FHIT: variants seen among roughly 807,000 people sequenced by gnomAD.
The protein encoded by FHIT is fragile histidine triad diadenosine triphosphatase.
FHIT carries 19 observed loss-of-function variants against 17.9 expected under a neutral mutation model. That is an observed-to-expected ratio of 1.06 (90% CI 0.74 to 1.56). The LOEUF (loss-of-function observed/expected upper bound fraction) is 1.56, where lower values mean the gene tolerates loss of function less well. Among genes scored for constraint, FHIT ranks in the 40% most tolerant of loss-of-function variants. The pLI is 0.00. For synonymous variants in FHIT, 81 were observed against 69.7 expected, an observed-to-expected ratio of 1.16 and a Z score of -0.81; for missense variants, 248 against 189.2, an observed-to-expected ratio of 1.31 and a Z score of -1.82.
intron 4 of FHIT, among the ~76,000 whole-genome samples, chr3:60,770,679 G>C (rs1700015893): frequency 6.6e-6 from 1 of 152,178 alleles, no homozygotes; most frequent in Non-Finnish European, 1.5e-5. Flanking sequence ...AGTAGATGGT[G>C]ACAATTGCCT....
intron 2 of FHIT, among the ~76,000 whole-genome samples, chr3:61,111,956 A>G (rs1184010600): frequency 6.6e-6 from 1 of 152,172 alleles, no homozygotes; most frequent in Non-Finnish European, 1.5e-5. Context: ...GCCAGCCTCT[A>G]TGCGTGGTGC....
chr3:60,088,882 C>T (rs953455908), intron 5 of FHIT, among the ~76,000 whole-genome samples: 1 of 152,108 alleles, frequency 6.6e-6, no homozygotes, highest in Admixed American at 6.6e-5. Flanking sequence ...ATGGTAGGTA[C>T]TCAATAAATA....
At chr3:60,326,613 C>G (rs1007229047) in intron 5 of FHIT, among the ~76,000 whole-genome samples, 1 of 152,184 alleles carries the variant, frequency 6.6e-6, no homozygotes, top group Non-Finnish European at 1.5e-5. Flanking sequence ...CTGGGGACCC[C>G]TGTCCTAAAC....
At chr3:61,220,319 A>G (rs2039803923) in intron 1 of FHIT, among the ~76,000 whole-genome samples, 1 of 152,264 alleles carries the variant, frequency 6.6e-6, no homozygotes, top group Non-Finnish European at 1.5e-5. Flanking sequence ...TGGTTAAACC[A>G]CATAATAATA....
chr3:60,928,536 G>T (rs1265118775), intron 3 of FHIT, among the ~76,000 whole-genome samples: 1 of 122,644 alleles, frequency 8.2e-6, no homozygotes. Flanking sequence ...GTGACAGATG[G>T]AGACTCTGTC....
chr3:60,254,011 T>C (rs1341635652), intron 5 of FHIT, among the ~76,000 whole-genome samples: 1 of 152,214 alleles, frequency 6.6e-6, no homozygotes, highest in Non-Finnish European at 1.5e-5. Flanking sequence ...GTACGATGAA[T>C]ACCTGCAATA....
chr3:60,336,921 A>G (rs185058554), intron 5 of FHIT, among the ~76,000 whole-genome samples: 3 of 151,826 alleles, frequency 2.0e-5, no homozygotes, highest in Non-Finnish European at 4.4e-5. Flanking sequence ...GTTCTTTGTC[A>G]GTTTGATGAG....
chr3:61,023,109 A>C (rs2032542511), intron 3 of FHIT, among the ~76,000 whole-genome samples: 1 of 152,252 alleles, frequency 6.6e-6, no homozygotes, highest in South Asian at 2.1e-4. Context: ...GTCTCAGCCC[A>C]AAATCTCCTT....
At chr3:60,318,363 T>A (rs1465496809) in intron 5 of FHIT, among the ~76,000 whole-genome samples, 7 of 151,652 alleles carry the variant, frequency 4.6e-5, no homozygotes, top group Admixed American at 4.6e-4. Context: ...GAATCAAGAG[T>A]GAAATAGAAA....
chr3:59,948,765 A>G (rs187699966), intron 7 of FHIT, among the ~76,000 whole-genome samples: 6 of 151,994 alleles, frequency 3.9e-5, no homozygotes, highest in Admixed American at 3.3e-4. Context: ...ACCCTTTATT[A>G]TCTTCAATGA....
chr3:60,300,332 A>G (rs933170117), intron 5 of FHIT, among the ~76,000 whole-genome samples: 7 of 152,090 alleles, frequency 4.6e-5, no homozygotes, highest in African/African-American at 1.4e-4. Flanking sequence ...TAAGACCAAA[A>G]AAAGTGTAAC....
chr3:60,038,139 C>T (rs140948202), intron 5 of FHIT, among the ~76,000 whole-genome samples: 1,829 of 152,182 alleles, frequency 0.012, 18 homozygotes, highest in Non-Finnish European at 0.019. Flanking sequence ...GGTTTTCAAG[C>T]TATATTTTAA....
intron 5 of FHIT, among the ~76,000 whole-genome samples, chr3:60,416,448 A>T (rs1007292428): frequency 9.9e-5 from 15 of 152,200 alleles, no homozygotes; most frequent in Admixed American, 2.6e-4. Context: ...AGAGTTTGTG[A>T]AACTTTTTAC....
intron 3 of FHIT, among the ~76,000 whole-genome samples, chr3:60,907,520 A>C (rs1553764848): frequency 6.6e-6 from 1 of 152,242 alleles, no homozygotes; most frequent in East Asian, 1.9e-4. Context: ...ACATTAATGG[A>C]AACATTTGAA....
intron 2 of FHIT, among the ~76,000 whole-genome samples, chr3:61,174,346 T>C (rs921493913): frequency 9.9e-5 from 15 of 152,224 alleles, no homozygotes; most frequent in African/African-American, 2.7e-4. Context: ...ACAATTATAC[T>C]GCAATGCTGA....
At chr3:60,279,250 T>C (rs1352808038) in intron 5 of FHIT, among the ~76,000 whole-genome samples, 1 of 152,060 alleles carries the variant, frequency 6.6e-6, no homozygotes, top group African/African-American at 2.4e-5. Context: ...TAAAGAAATA[T>C]GATGAACAAC....
chr3:59,991,064 T>C (rs539419893), intron 7 of FHIT, among the ~76,000 whole-genome samples: 25 of 152,156 alleles, frequency 1.6e-4, no homozygotes, highest in South Asian at 4.1e-4. Context: ...AACTTGAGGA[T>C]TGACACACTT....
chr3:60,969,250 T>G (rs925287944), intron 3 of FHIT, among the ~76,000 whole-genome samples: 1 of 152,166 alleles, frequency 6.6e-6, no homozygotes. Flanking sequence ...CAAATTTAGT[T>G]GTATTTTTAA....
At chr3:60,112,229 A>C (rs75949584) in intron 5 of FHIT, among the ~76,000 whole-genome samples, 4,457 of 152,238 alleles carry the variant, frequency 0.029, 220 homozygotes, top group African/African-American at 0.1. Flanking sequence ...AACTCTAGGT[A>C]GAGCCTTCAG....
Sources: gnomAD v4.1 joint callset for allele counts (sites outside exome capture counted in the v4.1 genomes callset) on GRCh38, gnomAD v4.1.1 for gene constraint, MANE v1.5 for transcripts, NCBI Gene and HGNC (gene_info 2026-07-23, HGNC 2026-07-21) for gene names.